The following FSTL5 variants were observed in gnomAD, a reference collection of about 807,000 sequenced individuals.
The protein encoded by FSTL5 is follistatin-related protein 5.
FSTL5 carries 62 observed loss-of-function variants against 89.1 expected under a neutral mutation model. The observed-to-expected ratio is 0.70, with a 90% CI of 0.57 to 0.86. The LOEUF is 0.86. Among genes scored for constraint, FSTL5 ranks in the 40% least tolerant of loss-of-function variants. The probability of loss-of-function intolerance (pLI) is 0.00; values close to 1 mark genes in which losing one functional copy is unlikely to be tolerated. For synonymous variants in FSTL5, 383 were observed against 346.2 expected (o/e 1.11, Z -1.18); for missense variants, 1,057 against 1,001.6 (o/e 1.06, Z -0.75).
chr4:161,582,285 T>C (rs1001448807), intron 8 of FSTL5, among the ~76,000 whole-genome samples: 4 of 152,232 alleles, frequency 2.6e-5, no homozygotes, highest in Admixed American at 1.3e-4. Context: ...AGCCTGATTT[T>C]CTAAAGTTCT....
At chr4:161,775,433 T>G (rs1255878289) in intron 5 of FSTL5, among the ~76,000 whole-genome samples, 1 of 152,174 alleles carries the variant, frequency 6.6e-6, no homozygotes, top group East Asian at 1.9e-4. Context: ...TTGGAATACA[T>G]CAGTGATTCA....
intron 7 of FSTL5, among the ~76,000 whole-genome samples, chr4:161,617,950 C>CT (rs1734957705): frequency 6.6e-6 from 1 of 151,968 alleles, no homozygotes; most frequent in Non-Finnish European, 1.5e-5. Flanking sequence ...TCTTCCTACC[C>CT]ATGAGCATGG....
intron 3 of FSTL5, among the ~76,000 whole-genome samples, chr4:161,947,278 T>G (rs1734763521): frequency 6.6e-6 from 1 of 151,698 alleles, no homozygotes; most frequent in Non-Finnish European, 1.5e-5. Context: ...ATTTTTTTAT[T>G]GATGTTGCTT....
chr4:162,138,460 T>G (rs927585978), intron 1 of FSTL5, among the ~76,000 whole-genome samples: 1 of 152,080 alleles, frequency 6.6e-6, no homozygotes, highest in African/African-American at 2.4e-5. Flanking sequence ...CTTACCAAAC[T>G]AAGAATAGAA....
At chr4:161,993,557 G>A (rs1246940785) in intron 3 of FSTL5, among the ~76,000 whole-genome samples, 3 of 151,948 alleles carry the variant, frequency 2.0e-5, no homozygotes, top group African/African-American at 7.3e-5. Flanking sequence ...GTTGTATTTT[G>A]ATATATGCAT....
intron 4 of FSTL5, among the ~76,000 whole-genome samples, chr4:161,843,489 G>T (rs961340577): frequency 1.3e-5 from 2 of 152,062 alleles, no homozygotes; most frequent in Non-Finnish European, 2.9e-5. Context: ...CTTGTAAGTT[G>T]TATTCCTAGG....
At chr4:161,473,932 T>C (rs1024857841) in intron 13 of FSTL5, among the ~76,000 whole-genome samples, 1 of 152,212 alleles carries the variant, frequency 6.6e-6, no homozygotes, top group Non-Finnish European at 1.5e-5. Flanking sequence ...GATTAAATAA[T>C]GTAAGCCATT....
At chr4:162,149,357 G>C (rs1907758) in intron 1 of FSTL5, among the ~76,000 whole-genome samples, 35,310 of 151,716 alleles carry the variant, frequency 0.23, 4,308 homozygotes, top group Non-Finnish European at 0.26. Flanking sequence ...CCAACCATCT[G>C]TCCAAAATAT....
At chr4:161,705,402 G>T (rs184585122) in intron 6 of FSTL5, among the ~76,000 whole-genome samples, 3 of 152,110 alleles carry the variant, frequency 2.0e-5, no homozygotes, top group Admixed American at 6.6e-5. Context: ...ATTGATTTTT[G>T]AATTTAAAAG....
At position 161,459,248 on chromosome 4, in the gene FSTL5, G is replaced by A. The variant is rs1398666053; in HGVS notation, c.1680C>T (p.Ser560=). Reference sequence around the variant, plus strand: ...GTGATGTCTTCTCCAAGGTACCCCAGCTTAGCACCCAGACCTGATCATGTG... The same window carrying A: ...GTGATGTCTTCTCCAAGGTACCCCAACTTAGCACCCAGACCTGATCATGTG... ...DKSHDQVWVL[S]WGTLEKTSPT... Residue 560 remains serine, a synonymous_variant, in exon 14 of 16, where the codon AGC becomes AGT. Coordinates refer to ENST00000306100, the MANE Select transcript of FSTL5 (RefSeq NM_020116.5). 1 of 1,612,846 alleles carries A rather than the reference G, an allele frequency of 6.2e-7. No homozygotes were observed. Among genetic ancestry groups the A allele is most frequent in the Non-Finnish European group, 8.5e-7 (1 of 1,179,142 alleles).
intron 3 of FSTL5, among the ~76,000 whole-genome samples, chr4:161,951,139 C>T (rs771322304): frequency 5.3e-5 from 8 of 151,954 alleles, no homozygotes; most frequent in Non-Finnish European, 7.4e-5. Context: ...TTGCCTGCTG[C>T]CATATAAGAT....
chr4:161,761,941 A>G (rs563194267), intron 5 of FSTL5, among the ~76,000 whole-genome samples: 1 of 152,218 alleles, frequency 6.6e-6, no homozygotes, highest in Non-Finnish European at 1.5e-5. Context: ...TCTCTCCTTC[A>G]TGTGTCCTGA....
intron 4 of FSTL5, among the ~76,000 whole-genome samples, chr4:161,799,806 G>C (rs1210954354): frequency 6.6e-6 from 1 of 151,646 alleles, no homozygotes; most frequent in Non-Finnish European, 1.5e-5. Context: ...TGCTGGAGTT[G>C]GGTTATGAAA....
At chr4:161,643,874 A>G (rs367775079) in intron 7 of FSTL5, among the ~76,000 whole-genome samples, 1 of 143,204 alleles carries the variant, frequency 7.0e-6, no homozygotes, top group Non-Finnish European at 1.6e-5. Flanking sequence ...GTCCAGAAAA[A>G]TTGAACAATG....
intron 12 of FSTL5, chr4:161,495,426 ATTCTATTTGCT>A (rs1298750518): frequency 6.6e-6 from 1 of 152,130 alleles, no homozygotes; most frequent in Non-Finnish European, 1.5e-5. Flanking sequence ...CTGAAATAGA[ATTCTATTTGCT>A]TGAAGTTCAT....
At chr4:162,035,512 G>T (rs1001984872) in intron 2 of FSTL5, 2 of 151,992 alleles carry the variant, frequency 1.3e-5, no homozygotes, top group African/African-American at 2.4e-5. Context: ...AAATATTAAG[G>T]AGATCACTGT....
chr4:161,415,663 T>TAGAGAGAGAG (rs540159042), intron 15 of FSTL5, among the ~76,000 whole-genome samples: 1 of 148,514 alleles, frequency 6.7e-6, no homozygotes, highest in Non-Finnish European at 1.5e-5. Context: ...CATATATATA[T>TAGAGAGAGAG]AGAGAGAGAG....
intron 8 of FSTL5, among the ~76,000 whole-genome samples, chr4:161,575,461 C>CT (rs747502420): frequency 1.5e-3 from 229 of 150,230 alleles, no homozygotes; most frequent in Non-Finnish European, 2.5e-3. Context: ...TCTTTTTTTT[C>CT]TTTTTTTTTG....
chr4:162,034,631 G>A (rs188866329), intron 2 of FSTL5, among the ~76,000 whole-genome samples: 12 of 152,156 alleles, frequency 7.9e-5, no homozygotes, highest in South Asian at 2.1e-4. Flanking sequence ...AGTTTACTCC[G>A]TCTAAAAGTT....
Sources: allele counts gnomAD v4.1 joint callset (sites outside exome capture counted in the v4.1 genomes callset), GRCh38; gene constraint gnomAD v4.1.1; transcripts MANE v1.5; gene names NCBI Gene and HGNC (gene_info 2026-07-23, HGNC 2026-07-21).